ABCF2: variants seen among roughly 807,000 people sequenced by gnomAD.
ABCF2 encodes the protein ATP-binding cassette sub-family F member 2.
A neutral mutation model predicts 76.9 loss-of-function variants in ABCF2; 37 were observed. The observed-to-expected ratio is 0.48, with a 90% CI of 0.37 to 0.63. The LOEUF is 0.63. Among genes scored for constraint, ABCF2 ranks in the 30% least tolerant of loss-of-function variants. The pLI, the probability that ABCF2 is intolerant of heterozygous loss-of-function variation, is 0.00. For missense variants in ABCF2, 524 were observed against 782.1 expected (o/e 0.67, Z 3.94); for synonymous variants, 299 against 283.7 (o/e 1.05, Z -0.54).
At position 151,223,691 on chromosome 7, in the gene ABCF2, C is replaced by T. The variant is rs1438317149; in HGVS notation, c.709G>A (p.Val237Ile). The T allele has an allele frequency of 6.2e-7, 1 of 1,601,402 alleles. No individual in the cohort carries two copies. The highest frequency in any genetic ancestry group is 8.5e-7 in the Non-Finnish European group (1 of 1,171,212). Residue 237 changes from valine (V) to isoleucine (I), a missense_variant, in exon 5 of 15, where the codon GTT (valine) becomes ATT (isoleucine). By Grantham distance (29) the Val-to-Ile change is conservative (BLOSUM62 3). Transcript: ENST00000287844. Reference protein sequence around the residue: ...KDFSGGWRMRVALARALFIRP... With the variant: ...KDFSGGWRMRIALARALFIRP... The stretch of plus-strand genomic sequence containing the variant: ...GGAGGGACTCACCTGGCAAGGGCAA[C>T]CCTCATCCTCCAGCCCCCACTGAAG...
chr7:151,217,013 CCA>C (rs774389578), intron 11 of ABCF2, among the ~76,000 whole-genome samples: 6 of 152,220 alleles, frequency 3.9e-5, no homozygotes, highest in Admixed American at 6.5e-5. Context: ...CCTCCTACCA[CCA>C]CACAGTTAAA....
chr7:151,216,574 G>C (rs1201640861), intron 11 of ABCF2, among the ~76,000 whole-genome samples: 1 of 152,156 alleles, frequency 6.6e-6, no homozygotes, highest in Non-Finnish European at 1.5e-5. Context: ...GCCCAGGCTG[G>C]AGTGCAGTGG....
intron 6 of ABCF2, chr7:151,221,943 C>T (rs893191814): frequency 1.2e-5 from 5 of 419,414 alleles, no homozygotes; most frequent in African/African-American, 1.0e-4. Flanking sequence ...ACGGTAGTAA[C>T]AGTGATAGTA....
At chr7:151,223,210 T>C (rs1802306762) in intron 5 of ABCF2, among the ~76,000 whole-genome samples, 1 of 152,166 alleles carries the variant, frequency 6.6e-6, no homozygotes, top group African/African-American at 2.4e-5. Flanking sequence ...GGGCAAGGAA[T>C]TACCTGTTTA....
rs1181516603 is a variant in ABCF2 at position 151,212,410 on chromosome 7, T to C, written c.*1644A>G. 58 of 985,248 alleles carry C rather than the reference T, an allele frequency of 5.9e-5. No individual in the cohort carries two copies. Among genetic ancestry groups the C allele is most frequent in the Non-Finnish European group, 6.7e-5 (56 of 829,914 alleles). 61.0% of individuals were successfully genotyped at this position (985,248 alleles called of 1,614,324 possible). On this transcript the variant is annotated 3_prime_UTR_variant, in exon 15 of 15. Transcript: ENST00000287844. ...CAATAGGAAGAGAGGTTCACAGACG[T>C]TGGTGTGAAAATGCAAACTCCTGGC...
At position 151,212,806 on chromosome 7, in the gene ABCF2, T is replaced by G. The variant is rs1193371389; in HGVS notation, c.*1248A>C. ...TGTGAGCCACTGTGCCTGGCCAGTC[T>G]GCATTTTTTTGAGACAGGGTTTTGC... On this transcript the variant is annotated 3_prime_UTR_variant, in exon 15 of 15. Coordinates refer to ENST00000287844, the MANE Select transcript of ABCF2 (RefSeq NM_007189.3). 1.9e-5 allele frequency: 3 copies of G among 155,550 alleles called. No individual in the cohort carries two copies. The highest frequency in any genetic ancestry group is 7.2e-5 in the African/African-American group (3 of 41,486). 9.6% of individuals were successfully genotyped at this position (155,550 alleles called of 1,614,324 possible).
rs114825355 is a variant in ABCF2, at chr7:151,215,420, C to T, written c.1530+184G>A. Among the ~76,000 whole-genome samples the T allele has an allele frequency of 0.01, 1,567 of 152,314 alleles. 35 individuals are homozygous for T. Among genetic ancestry groups the T allele is most frequent in the African/African-American group, 0.035 (1,474 of 41,562 alleles). On this transcript the variant is annotated intron_variant, in intron 13 of 14. Coordinates refer to ENST00000287844, the MANE Select transcript of ABCF2 (RefSeq NM_007189.3). The surrounding 1 kb of genome is among the most constrained non-coding windows in gnomAD (Gnocchi z 4.6). ...GACTGGCACGCTATCCTTGCCCCCT[C>T]AAAATGCTCCATTACATAACAACCT...
chr7:151,224,411 A>G (rs1296151057), intron 3 of ABCF2, among the ~76,000 whole-genome samples: 1 of 152,134 alleles, frequency 6.6e-6, no homozygotes, highest in African/African-American at 2.4e-5. Flanking sequence ...GGGTGGACGC[A>G]CCCTAATCTG....
chr7:151,215,559 G>A lies in ABCF2; in HGVS notation c.1530+45C>T, dbSNP rs1802133325. On this transcript the variant is annotated intron_variant, in intron 13 of 14. Transcript: ENST00000287844. This position sits in a 1 kb window ranked among gnomAD's most constrained non-coding sequence, Gnocchi z 4.6. ...GTATCCCCTGACCCACCCAGCCACA[G>A]TCTGCCAGCTATCTGGCATCCTCAC... 6.2e-7 allele frequency: 1 copy of A among 1,609,916 alleles called. No individual in the cohort carries two copies. The highest frequency in any genetic ancestry group is 1.3e-5 in the African/African-American group (1 of 74,872).
Position 151,223,980 on chromosome 7 carries a change from C to T in ABCF2, c.502G>A (p.Glu168Lys). The change falls in exon 4 of 15, where the codon GAG becomes AAG. Residue 168 changes from glutamate (E) to lysine (K), a missense_variant. Physicochemically the swap from Glu to Lys is moderately conservative, Grantham distance 56. This residue lies in a region of ABCF2 where 330 missense variants were observed against 433.6 expected (regional missense o/e 0.76). Coordinates refer to ENST00000287844, the MANE Select transcript of ABCF2 (RefSeq NM_007189.3). ...PLHCVMEVDT[E>K]RAMLEKEAER... is the part of the protein sequence containing the mutation. ...GCCTCTTTCTCCAGCATGGCCCGCT[C>T]TGTGTCGACTTCCATCACACAATGC... The T allele has an allele frequency of 6.2e-7, 1 of 1,614,176 alleles. No individual in the cohort carries two copies. Among genetic ancestry groups the T allele is most frequent in the East Asian group, 2.2e-5 (1 of 44,886 alleles).
intron 7 of ABCF2, among the ~76,000 whole-genome samples, chr7:151,220,346 G>A (rs982284117): frequency 1.5e-4 from 21 of 136,338 alleles, no homozygotes; most frequent in Non-Finnish European, 2.4e-4. Flanking sequence ...CCCAGATCGC[G>A]CCACTGCACT....
rs1802119797 is a variant in ABCF2, at chr7:151,214,909, C to A, written c.1704G>T (p.Leu568=). ...GAATGAGTCTGAAGTCATGGCTGAC[C>A]AGCATCATACCACCCTCAAACTCAT... The part of the protein sequence containing the change: ...AINEFEGGMM[L]VSHDFRLIQQ... The change falls in exon 14 of 15, where the codon CTG becomes CTT. Residue 568 remains leucine, a synonymous_variant. Coordinates refer to ENST00000287844, the MANE Select transcript of ABCF2 (RefSeq NM_007189.3). This position sits in a 1 kb window ranked among gnomAD's most constrained non-coding sequence, Gnocchi z 4.9. 7.4e-6 allele frequency: 12 copies of A among 1,614,214 alleles called. No homozygotes were observed. Among genetic ancestry groups the A allele is most frequent in the Non-Finnish European group, 9.3e-6 (11 of 1,180,052 alleles).
chr7:151,224,563 A>G (rs1802336081), intron 3 of ABCF2, among the ~76,000 whole-genome samples: 1 of 152,182 alleles, frequency 6.6e-6, no homozygotes. Flanking sequence ...GATCCGAAAC[A>G]CTTCTGGTTC....
rs993452826 is a variant in ABCF2 at position 151,214,868 on chromosome 7, C to T, written c.1734+11G>A. The T allele has an allele frequency of 3.1e-6, 5 of 1,614,080 alleles. No individual in the cohort carries two copies. The highest frequency in any genetic ancestry group is 4.2e-6 in the Non-Finnish European group (5 of 1,179,926). On this transcript the variant is annotated intron_variant, in intron 14 of 14. Coordinates refer to ENST00000287844, the MANE Select transcript of ABCF2 (RefSeq NM_007189.3). The surrounding 1 kb of genome is among the most constrained non-coding windows in gnomAD (Gnocchi z 4.9). ...GCTCTGCTGTGCCTCACCCCCTGGCCAGGGCCTCACCTGCTGAATGAGTCT... is the reference window on the plus strand; with the variant it reads ...GCTCTGCTGTGCCTCACCCCCTGGCTAGGGCCTCACCTGCTGAATGAGTCT...
In ABCF2 at chr7:151,215,687, T is replaced by C; in HGVS notation, c.1447A>G (p.Met483Val). 1.9e-6 allele frequency: 3 copies of C among 1,614,216 alleles called. No individual in the cohort carries two copies. The highest frequency in any genetic ancestry group is 1.7e-6 in the Non-Finnish European group (2 of 1,180,040). Residue 483 changes from methionine to valine, a missense_variant, in exon 13 of 15, where the codon ATG becomes GTG. Met to Val is a conservative substitution (Grantham distance 21). This residue lies in a region of ABCF2 where 194 missense variants were observed against 348.6 expected (regional missense o/e 0.56). Coordinates refer to ENST00000287844, the MANE Select transcript of ABCF2 (RefSeq NM_007189.3). The surrounding 1 kb of genome is among the most constrained non-coding windows in gnomAD (Gnocchi z 4.6). ...TTGATCTCTGGGTAGCACTTCATCA[T>C]GTACTCCAAAGGTGAGAGATCTAAG... ...LDLDLSPLEY[M>V]MKCYPEIKEK...
chr7:151,221,812 C>T, intron 6 of ABCF2, 132 bp from the exon 7 acceptor site: 2 of 692,612 alleles, frequency 2.9e-6, no homozygotes, highest in Non-Finnish European at 5.2e-6. Flanking sequence ...TGGCTGTTAG[C>T]AAGCACCTAA....
chr7:151,218,449 C>T (rs1455473938), intron 10 of ABCF2, 112 bp downstream of exon 10: 1 of 982,346 alleles, frequency 1.0e-6, no homozygotes, highest in African/African-American at 1.6e-5. Context: ...CTGAAAATCC[C>T]CCAGAGCACG....
At chr7:151,222,913 GA>G (rs778827882) in intron 5 of ABCF2, among the ~76,000 whole-genome samples, 2 of 152,008 alleles carry the variant, frequency 1.3e-5, no homozygotes, top group Non-Finnish European at 2.9e-5. Context: ...AGACTACGGA[GA>G]AGACAAAAAA....
rs568301987 is a variant in ABCF2, at chr7:151,216,239, C to T, written c.1339-210G>A. ...CAGATGTTCTCAAGAGGCAAAGATACAATTTAAGTAGTTATAAAATGTCTA... is the reference window on the plus strand; with the variant it reads ...CAGATGTTCTCAAGAGGCAAAGATATAATTTAAGTAGTTATAAAATGTCTA... On this transcript the variant is annotated intron_variant, in intron 11 of 14. Transcript: ENST00000287844. Among the ~76,000 whole-genome samples, 16 of 152,288 alleles carry T rather than the reference C, an allele frequency of 1.1e-4. No homozygotes were observed. The South Asian group carries it at 3.3e-3, about 32-fold the overall frequency.
Sources: gnomAD v4.1 joint callset for allele counts (sites outside exome capture counted in the v4.1 genomes callset) on GRCh38, gnomAD v4.1.1 for gene constraint, gnomAD v4.1.1 regional missense constraint, Gnocchi (gnomAD v3.1) non-coding constraint, MANE v1.5 for transcripts, NCBI Gene and HGNC (gene_info 2026-07-23, HGNC 2026-07-21) for gene names.